The following HLF variants were observed in gnomAD, a reference collection of about 807,000 sequenced individuals.
HLF encodes hepatic leukemia factor.
Under a neutral mutation model 22.6 loss-of-function variants are expected in HLF, and 3 were observed. That is an observed-to-expected ratio of 0.13 (90% CI 0.06 to 0.34). The LOEUF (loss-of-function observed/expected upper bound fraction) is 0.34, where lower values mean the gene tolerates loss of function less well. Among genes scored for constraint, HLF ranks in the 10% least tolerant of loss-of-function variants. HLF has a pLI of 1.00. For missense variants in HLF, 299 were observed against 389.2 expected (o/e 0.77, Z 1.95); for synonymous variants, 151 against 151.8 (o/e 0.99, Z 0.04).
chr17:55,281,994 A>G (rs1386330475), intron 2 of HLF, among the ~76,000 whole-genome samples: 1 of 152,214 alleles, frequency 6.6e-6, no homozygotes, highest in Non-Finnish European at 1.5e-5. Flanking sequence ...TGAATTTGGA[A>G]TCAGGGGTCT....
chr17:55,295,353 A>T (rs1348310270), intron 2 of HLF, among the ~76,000 whole-genome samples: 1 of 152,264 alleles, frequency 6.6e-6, no homozygotes, highest in African/African-American at 2.4e-5. Flanking sequence ...TTCACAGGAA[A>T]TGATCAGGTC....
chr17:55,300,596 C>T (rs182691086), intron 2 of HLF, among the ~76,000 whole-genome samples: 2 of 152,310 alleles, frequency 1.3e-5, no homozygotes, highest in Admixed American at 6.5e-5. Context: ...AATGTCAACA[C>T]CTCCTTTGCA....
At chr17:55,281,213 T>C (rs1029004902) in intron 2 of HLF, among the ~76,000 whole-genome samples, 2 of 152,206 alleles carry the variant, frequency 1.3e-5, no homozygotes, top group African/African-American at 4.8e-5. Flanking sequence ...TTGTATCCCA[T>C]CAAATATCTC....
intron 2 of HLF, chr17:55,283,905 T>C (rs2080977209): frequency 6.6e-6 from 1 of 152,240 alleles, no homozygotes; most frequent in Non-Finnish European, 1.5e-5. Flanking sequence ...GTGCAGCCAC[T>C]TTCTTTAAGG....
At chr17:55,314,780 C>T (rs977529349) in intron 2 of HLF, among the ~76,000 whole-genome samples, 2 of 152,158 alleles carry the variant, frequency 1.3e-5, no homozygotes, top group African/African-American at 4.8e-5. Flanking sequence ...ACCATTTCCT[C>T]ACACTGTGGA....
At chr17:55,292,459 A>T (rs2081072475) in intron 2 of HLF, among the ~76,000 whole-genome samples, 1 of 152,220 alleles carries the variant, frequency 6.6e-6, no homozygotes, top group African/African-American at 2.4e-5. Flanking sequence ...TAGTATTCTT[A>T]AGGCATGTAC....
In HLF at chr17:55,323,621, G is replaced by A. The variant is rs1488852361; in HGVS notation, c.*2742G>A. 1 of 227,702 alleles carries A rather than the reference G, an allele frequency of 4.4e-6. No homozygotes were observed. Among genetic ancestry groups the A allele is most frequent in the Non-Finnish European group, 8.7e-6 (1 of 114,422 alleles). 14.1% of individuals were successfully genotyped at this position (227,702 alleles called of 1,614,324 possible). The stretch of plus-strand genomic sequence containing the variant: ...TGGAGTCTGTACAGGTGCCTTATAT[G>A]TAGGTCATTGTCACGATACACACAC... On this transcript the variant is annotated 3_prime_UTR_variant, in exon 4 of 4. Coordinates refer to ENST00000226067, the MANE Select transcript of HLF (RefSeq NM_002126.5).
Position 55,315,308 on chromosome 17 carries a change from A to C in HLF, c.533A>C (p.Asp178Ala). 6.2e-7 allele frequency: 1 copy of C among 1,614,124 alleles called. No homozygotes were observed. Among genetic ancestry groups the C allele is most frequent in the Non-Finnish European group, 8.5e-7 (1 of 1,180,022 alleles). The change falls in exon 3 of 4, where the codon GAC becomes GCC. Residue 178 changes from aspartate (D) to alanine (A), a missense_variant. Transcript: ENST00000226067. ...TIQVPVGYEP[D>A]PADLALSSIP... ...CAGGTCCCAGTGGGTTATGAGCCAG[A>C]CCCAGCAGATCTTGCCCTTTCCAGC...
At chr17:55,306,062 G>C (rs999364401) in intron 2 of HLF, among the ~76,000 whole-genome samples, 2 of 152,088 alleles carry the variant, frequency 1.3e-5, no homozygotes, top group Non-Finnish European at 2.9e-5. Context: ...CTTACTATCA[G>C]TATTACTGAT....
intron 2 of HLF, among the ~76,000 whole-genome samples, chr17:55,307,147 C>CTTTTTTTT (rs35828509): frequency 1.3e-4 from 9 of 70,160 alleles, no homozygotes; most frequent in East Asian, 1.1e-3. Context: ...TCTCAGCGGC[C>CTTTTTTTT]TTTTTTTTTT....
intron 2 of HLF, among the ~76,000 whole-genome samples, chr17:55,270,721 C>T (rs560003559): frequency 1.8e-3 from 250 of 141,428 alleles, no homozygotes; most frequent in Non-Finnish European, 3.0e-3. Flanking sequence ...AGTGCAGTGG[C>T]GCGATCTCAG....
chr17:55,268,073 C>A lies in HLF; in HGVS notation c.438C>A (p.Ser146Arg). 1 of 1,555,912 alleles carries A rather than the reference C, an allele frequency of 6.4e-7. No individual in the cohort carries two copies. Among genetic ancestry groups the A allele is most frequent in the Non-Finnish European group, 8.7e-7 (1 of 1,151,878 alleles). The change falls in exon 2 of 4, where the codon AGC (serine) becomes AGA (arginine). Residue 146 changes from serine to arginine, a missense_variant. By Grantham distance (110) the Ser-to-Arg change is moderately radical. This residue lies in a region of HLF where 224 missense variants were observed against 298.1 expected (regional missense o/e 0.75). Coordinates refer to ENST00000226067, the MANE Select transcript of HLF (RefSeq NM_002126.5). ...PGIPSPNCMQSPIRPGQLLPA... is the reference protein window; with the variant it reads ...PGIPSPNCMQRPIRPGQLLPA... ...TCCCATCTCCGAACTGTATGCAGAGCCCCATCAGACCAGGTAAGTGCCCTG... is the reference window on the plus strand; with the variant it reads ...TCCCATCTCCGAACTGTATGCAGAGACCCATCAGACCAGGTAAGTGCCCTG...
chr17:55,307,920 A>G (rs1040034808), intron 2 of HLF, among the ~76,000 whole-genome samples: 4 of 151,964 alleles, frequency 2.6e-5, no homozygotes, highest in Non-Finnish European at 4.4e-5. Flanking sequence ...ATTGGCATTT[A>G]TGCTAATGTC....
intron 2 of HLF, among the ~76,000 whole-genome samples, chr17:55,298,443 T>TA (rs1228286286): frequency 6.6e-6 from 1 of 152,212 alleles, no homozygotes; most frequent in African/African-American, 2.4e-5. Flanking sequence ...ACACAAACCT[T>TA]ACCTTATGCC....
At chr17:55,308,474 CAGGT>C (rs1428718289) in intron 2 of HLF, among the ~76,000 whole-genome samples, 1 of 152,076 alleles carries the variant, frequency 6.6e-6, no homozygotes, top group Non-Finnish European at 1.5e-5. Flanking sequence ...AATTGAAACT[CAGGT>C]AGGTTAAGAA....
Position 55,320,865 on chromosome 17 carries a change from C to T in HLF, c.874C>T (p.His292Tyr). Residue 292 changes from histidine (H) to tyrosine (Y), a missense_variant, in exon 4 of 4, where the codon CAC becomes TAC. Around this residue, in one of 3 missense-constraint regions of HLF, gnomAD observed 224 missense variants for 298.1 expected, o/e 0.75. Transcript: ENST00000226067. The surrounding 1 kb of genome is among the most constrained non-coding windows in gnomAD (Gnocchi z 4.2). The stretch of plus-strand genomic sequence containing the variant: ...CATACTTGCCAAGTATGAGGCCAGG[C>T]ACGGGCCCCTGTAGGATGGCATTTT... ...KNILAKYEAR[H>Y]GPL 6.2e-7 allele frequency: 1 copy of T among 1,612,004 alleles called. No homozygotes were observed. Among genetic ancestry groups the T allele is most frequent in the Non-Finnish European group, 8.5e-7 (1 of 1,179,424 alleles).
At position 55,321,077 on chromosome 17, in the gene HLF, G is replaced by A. The variant is rs1335481026; in HGVS notation, c.*198G>A. 6 of 564,222 alleles carry A rather than the reference G, an allele frequency of 1.1e-5. No individual in the cohort carries two copies. Among genetic ancestry groups the A allele is most frequent in the East Asian group, 3.0e-5 (1 of 33,556 alleles). 35.0% of individuals were successfully genotyped at this position (564,222 alleles called of 1,614,324 possible). On this transcript the variant is annotated 3_prime_UTR_variant, in exon 4 of 4. Coordinates refer to ENST00000226067, the MANE Select transcript of HLF (RefSeq NM_002126.5). ...CATGTGTGTGGTCAGCGGTATGTGCGTGTGCGTGTTCCTTTGCTCTTGCCA... is the reference window on the plus strand; with the variant it reads ...CATGTGTGTGGTCAGCGGTATGTGCATGTGCGTGTTCCTTTGCTCTTGCCA...
intron 2 of HLF, among the ~76,000 whole-genome samples, chr17:55,304,265 C>T (rs1294876890): frequency 1.3e-5 from 2 of 152,160 alleles, no homozygotes; most frequent in Middle Eastern, 3.2e-3. Flanking sequence ...TCACCTTCTG[C>T]CACACGGTGA....
intron 2 of HLF, among the ~76,000 whole-genome samples, chr17:55,313,380 G>GTA (rs967401693): frequency 2.0e-5 from 3 of 151,874 alleles, no homozygotes; most frequent in African/African-American, 7.3e-5. Context: ...GTGTGTGTGT[G>GTA]TGTGTGTGTA....
Sources: allele counts gnomAD v4.1 joint callset (sites outside exome capture counted in the v4.1 genomes callset), GRCh38; gene constraint gnomAD v4.1.1; regional missense constraint gnomAD v4.1.1; non-coding constraint Gnocchi (gnomAD v3.1); transcripts MANE v1.5; gene names NCBI Gene and HGNC (gene_info 2026-07-23, HGNC 2026-07-21).